POLE: variants seen among roughly 807,000 people sequenced by gnomAD.
POLE encodes DNA polymerase epsilon catalytic subunit A.
In POLE, 188 loss-of-function variants were observed where a neutral mutation model predicts 279.2. That is an observed-to-expected ratio of 0.67 (90% CI 0.60 to 0.76). POLE has a LOEUF of 0.76. POLE is among the 30% of genes least tolerant of loss of function. The probability of loss-of-function intolerance (pLI) is 0.00; values close to 1 mark genes in which losing one functional copy is unlikely to be tolerated. For synonymous variants in POLE, 1,214 were observed against 1,172.5 expected (o/e 1.04, Z -0.72); for missense variants, 2,703 against 3,016.7 (o/e 0.90, Z 2.44).
intron 45 of POLE, among the ~76,000 whole-genome samples, chr12:132,629,857 C>T (rs1399498319): frequency 6.6e-6 from 1 of 152,206 alleles, no homozygotes; most frequent in East Asian, 1.9e-4. Context: ...TTCAACATGC[C>T]TTCCTAAGTT....
chr12:132,643,556 G>T lies in POLE; in HGVS notation c.4295C>A (p.Pro1432Gln), dbSNP rs371712284. The part of the protein sequence containing the change: ...DIEGVYETQV[P>Q]LLFRALVHLG... ...GTGCACCAGGGCCCGGAACAGTAAC[G>T]GAACCTGGAAGAATCGGGCAGACAG... Residue 1432 changes from proline to glutamine, a missense_variant, in exon 34 of 49, where the codon CCG (proline) becomes CAG (glutamine). Around this residue, in one of 5 missense-constraint regions of POLE, gnomAD observed 1,551 missense variants for 1,686.1 expected, o/e 0.92. Transcript: ENST00000320574. 6 of 1,613,928 alleles carry T rather than the reference G, an allele frequency of 3.7e-6. No homozygotes were observed. Among genetic ancestry groups the T allele is most frequent in the South Asian group, 1.1e-5 (1 of 91,088 alleles).
intron 6 of POLE, among the ~76,000 whole-genome samples, chr12:132,678,439 A>AT (rs1406555779): frequency 2.0e-5 from 3 of 151,568 alleles, no homozygotes; most frequent in African/African-American, 7.3e-5. Flanking sequence ...TTAGCCAGGC[A>AT]TGGGGTACAC....
chr12:132,630,242 TCAAGA>T (rs2041910675), intron 45 of POLE, among the ~76,000 whole-genome samples: 1 of 152,150 alleles, frequency 6.6e-6, no homozygotes, highest in African/African-American at 2.4e-5. Flanking sequence ...TGAGACTTGC[TCAAGA>T]CAAGATTCCC....
intron 5 of POLE, 77 bp downstream of exon 5, chr12:132,679,877 C>A: frequency 8.7e-7 from 1 of 1,150,226 alleles, no homozygotes; most frequent in Admixed American, 2.1e-5. Flanking sequence ...TGAATTTCTA[C>A]CTCTTCCGAT....
Position 132,650,166 on chromosome 12 carries a change from AC to A in POLE, c.3583-278del, listed in dbSNP as rs1307623499. On this transcript the variant is annotated intron_variant, in intron 29 of 48. Coordinates refer to ENST00000320574, the MANE Select transcript of POLE (RefSeq NM_006231.4). Reference sequence around the variant, plus strand: ...GGAGGCTGCGGCGAACTATGATCACACCACTGAACTCCAGCCTGGGCAAGTG... The same window carrying A: ...GGAGGCTGCGGCGAACTATGATCACACACTGAACTCCAGCCTGGGCAAGTG... The A allele has an allele frequency of 3.2e-5, 14 of 440,790 alleles. No homozygotes were observed. In the East Asian group the frequency reaches 5.3e-4, roughly 17 times the overall value. 27.3% of individuals were successfully genotyped at this position (440,790 alleles called of 1,614,324 possible). A position where few individuals can be genotyped will look rare whatever the true frequency, so the allele number is the denominator to read the frequency against.
intron 12 of POLE, among the ~76,000 whole-genome samples, chr12:132,674,077 C>T (rs1290387359): frequency 6.6e-6 from 1 of 152,174 alleles, no homozygotes. Flanking sequence ...CTTCTCTCCT[C>T]ACACTGTCCC....
Position 132,641,788 on chromosome 12 carries a change from T to C in POLE, c.5237A>G (p.Asn1746Ser), listed in dbSNP as rs377461656. 8 of 1,607,302 alleles carry C rather than the reference T, an allele frequency of 5.0e-6. No individual in the cohort carries two copies. The African/African-American group carries it at 6.7e-5, about 13-fold the overall frequency. Reference sequence around the variant, plus strand: ...CATGCTGTCGGCCCCCTCCATGTCGTTGACATGGTGAGACTGGAGAATGGT... The same window carrying C: ...CATGCTGTCGGCCCCCTCCATGTCGCTGACATGGTGAGACTGGAGAATGGT... ...VNTILQSHHV[N>S]DMEGADSMGI... The change falls in exon 39 of 49, where the codon AAC (asparagine) becomes AGC (serine). Residue 1746 changes from asparagine (N) to serine (S), a missense_variant. This residue lies in a region of POLE where 1,551 missense variants were observed against 1,686.1 expected (regional missense o/e 0.92). Coordinates refer to ENST00000320574, the MANE Select transcript of POLE (RefSeq NM_006231.4).
intron 20 of POLE, among the ~76,000 whole-genome samples, chr12:132,666,969 G>C (rs529843107): frequency 6.6e-6 from 1 of 152,330 alleles, no homozygotes; most frequent in South Asian, 2.1e-4. Context: ...TGAGTCTACA[G>C]TGAAGGTCTC....
In POLE at chr12:132,672,763, G is replaced by C. The variant is rs780556141; in HGVS notation, c.1550C>G (p.Pro517Arg). The C allele has an allele frequency of 1.9e-6, 3 of 1,614,054 alleles. No homozygotes were observed. In the African/African-American group the frequency reaches 4.0e-5, roughly 22 times the overall value. ...ATTGAACTCCTGCTCTTGCTTGTTG[G>C]GGAAGATGATGTTGGCGTGGAAGGC... is the stretch of plus-strand genomic sequence containing the variant. Reference protein sequence around the residue: ...VQAFHANIIFPNKQEQEFNKL... With the variant: ...VQAFHANIIFRNKQEQEFNKL... Residue 517 changes from proline (P) to arginine (R), a missense_variant, in exon 15 of 49, where the codon CCC becomes CGC. Pro to Arg is a moderately radical substitution (Grantham distance 103). This residue lies in a region of POLE where 1,011 missense variants were observed against 1,111.7 expected (regional missense o/e 0.91). Coordinates refer to ENST00000320574, the MANE Select transcript of POLE (RefSeq NM_006231.4).
rs770069897 is a variant in POLE at position 132,639,280 on chromosome 12, G to C, written c.5397C>G (p.Val1799=). The C allele has an allele frequency of 6.2e-7, 1 of 1,613,996 alleles. No homozygotes were observed. ...GGGTGATCTCCTTCACCCAGCCCAC[G>C]ACCATGCTCTTCAGGATCCTGAAAG... ...SNTFRILKSM[V]VGWVKEITQY... is the part of the protein sequence containing the mutation. The change falls in exon 40 of 49, where the codon GTC becomes GTG. Residue 1799 remains valine (V), a synonymous_variant. Transcript: ENST00000320574. The surrounding 1 kb of genome is among the most constrained non-coding windows in gnomAD (Gnocchi z 4.7).
In POLE at chr12:132,623,911, C is replaced by T. The variant is rs11831601; in HGVS notation, c.*786G>A. The T allele has an allele frequency of 2.1e-5, 4 of 189,558 alleles. No individual in the cohort carries two copies. The highest frequency in any genetic ancestry group is 9.4e-5 in the African/African-American group (4 of 42,618). 11.7% of individuals were successfully genotyped at this position (189,558 alleles called of 1,614,324 possible). ...GGCCCCCTCCCTCCTGTGAGGCTCTCGTCTGGGGTGTCTGCATTTCTGATT... is the reference window on the plus strand; with the variant it reads ...GGCCCCCTCCCTCCTGTGAGGCTCTTGTCTGGGGTGTCTGCATTTCTGATT... On this transcript the variant is annotated 3_prime_UTR_variant, in exon 49 of 49. Transcript: ENST00000320574.
rs1370271750 is a variant in POLE at position 132,643,514 on chromosome 12, A to C, written c.4337T>G (p.Val1446Gly). Residue 1446 changes from valine to glycine, a missense_variant, in exon 34 of 49, where the codon GTG becomes GGG. Around this residue, in one of 5 missense-constraint regions of POLE, gnomAD observed 1,551 missense variants for 1,686.1 expected, o/e 0.92. Coordinates refer to ENST00000320574, the MANE Select transcript of POLE (RefSeq NM_006231.4). Reference sequence around the variant, plus strand: ...GTGCCTCACCAGCTGTTTATTGACCACACACACACAGCCCAGGTGCACCAG... The same window carrying C: ...GTGCCTCACCAGCTGTTTATTGACCCCACACACACAGCCCAGGTGCACCAG... ...RALVHLGCVC[V>G]VNKQLVRHLS... The C allele has an allele frequency of 6.2e-7, 1 of 1,609,836 alleles. No individual in the cohort carries two copies. Among genetic ancestry groups the C allele is most frequent in the African/African-American group, 1.3e-5 (1 of 74,944 alleles).
chr12:132,687,172 C>T (rs2043293935), intron 1 of POLE, 82 bp downstream of exon 1: 4 of 885,268 alleles, frequency 4.5e-6, no homozygotes, highest in Admixed American at 4.5e-5. Context: ...GCCTCCCTCC[C>T]GCCTCGGCGG....
chr12:132,667,034 C>A (rs1369311131), intron 20 of POLE, among the ~76,000 whole-genome samples: 4 of 152,024 alleles, frequency 2.6e-5, no homozygotes, highest in African/African-American at 9.7e-5. Flanking sequence ...CCGTTGGTAT[C>A]AAAACAGAGG....
chr12:132,629,519 T>A (rs369583502), intron 45 of POLE, among the ~76,000 whole-genome samples: 4 of 152,342 alleles, frequency 2.6e-5, no homozygotes, highest in African/African-American at 9.6e-5. Context: ...TGCCCTTTTA[T>A]GTTACTGGGA....
intron 32 of POLE, 148 bp from the exon 33 acceptor site, chr12:132,644,125 A>G: frequency 1.5e-6 from 1 of 674,598 alleles, no homozygotes; most frequent in Non-Finnish European, 2.5e-6. Context: ...ACCTCTCTCA[A>G]TGATTACAAC....
intron 29 of POLE, among the ~76,000 whole-genome samples, chr12:132,652,243 T>C (rs1244344892): frequency 6.6e-6 from 1 of 152,016 alleles, no homozygotes; most frequent in East Asian, 1.9e-4. Flanking sequence ...GTTTTTCACA[T>C]GTGCCTTAAA....
At chr12:132,628,574 C>G (rs12230022) in intron 45 of POLE, among the ~76,000 whole-genome samples, 1 of 151,374 alleles carries the variant, frequency 6.6e-6, no homozygotes, top group South Asian at 2.1e-4. Context: ...ACCCAGGAGG[C>G]GGAGGTTGCA....
chr12:132,677,695 A>G lies in POLE; in HGVS notation c.603T>C (p.Ile201=), dbSNP rs1055020682. 1 of 1,613,988 alleles carries G rather than the reference A, an allele frequency of 6.2e-7. No homozygotes were observed. The highest frequency in any genetic ancestry group is 8.5e-7 in the Non-Finnish European group (1 of 1,180,004). Residue 201 remains isoleucine (I), a synonymous_variant, in exon 7 of 49, where the codon ATT becomes ATC. Transcript: ENST00000320574. The part of the protein sequence containing the change: ...LSSVLQRGGV[I]TDEEETSKKI... ...TCTTAGAGGTTTCCTCTTCATCAGT[A>G]ATGACACCGCCCCTCTGCAGAACAC...
Sources: allele counts gnomAD v4.1 joint callset (sites outside exome capture counted in the v4.1 genomes callset), GRCh38; gene constraint gnomAD v4.1.1; regional missense constraint gnomAD v4.1.1; non-coding constraint Gnocchi (gnomAD v3.1); transcripts MANE v1.5; gene names NCBI Gene and HGNC (gene_info 2026-07-23, HGNC 2026-07-21).